The following DIABLO variants were observed in gnomAD, a reference collection of about 807,000 sequenced individuals.
The protein encoded by DIABLO is diablo IAP-binding mitochondrial protein.
In DIABLO, 32 loss-of-function variants were observed where a neutral mutation model predicts 31.7. That is an observed-to-expected ratio of 1.01 (90% CI 0.76 to 1.35). The LOEUF is 1.35. Ranked by LOEUF, DIABLO falls within the 40% of genes most tolerant of loss-of-function variation. The probability of loss-of-function intolerance (pLI) is 0.00; values close to 1 mark genes in which losing one functional copy is unlikely to be tolerated. For missense variants in DIABLO, 316 were observed against 286.4 expected (o/e 1.10, Z -0.75); for synonymous variants, 132 against 103.2 (o/e 1.28, Z -1.69).
At chr12:122,222,313 T>C (rs1954350211) in intron 2 of DIABLO, 1 of 152,164 alleles carries the variant, frequency 6.6e-6, no homozygotes, top group African/African-American at 2.4e-5. Context: ...TAAAAAATCT[T>C]GGAATCTGGC....
intron 5 of DIABLO, among the ~76,000 whole-genome samples, chr12:122,215,056 G>A (rs557069381): frequency 7.2e-5 from 11 of 152,260 alleles, no homozygotes; most frequent in South Asian, 4.1e-4. Flanking sequence ...GGCTGGGTGC[G>A]GTGGCTCGCA....
chr12:122,216,464 A>C (rs369663349), intron 5 of DIABLO, 24 bp downstream of exon 5: 22 of 1,595,034 alleles, frequency 1.4e-5, no homozygotes, highest in African/African-American at 1.3e-4. Flanking sequence ...TAAAAAAAAA[A>C]CCCAACACAA....
chr12:122,209,964 G>A (rs1954043453), intron 5 of DIABLO: 5 of 596,816 alleles, frequency 8.4e-6, no homozygotes, highest in Non-Finnish European at 1.5e-5. Context: ...CTACTACACT[G>A]AAGATGTTTT....
At chr12:122,210,229 T>C (rs1224047629) in intron 5 of DIABLO, among the ~76,000 whole-genome samples, 1 of 152,102 alleles carries the variant, frequency 6.6e-6, no homozygotes, top group Non-Finnish European at 1.5e-5. Flanking sequence ...AGAGGAGGCT[T>C]GTCATTACTT....
chr12:122,210,593 A>C (rs1954063749), intron 5 of DIABLO, among the ~76,000 whole-genome samples: 2 of 149,864 alleles, frequency 1.3e-5, no homozygotes, highest in South Asian at 2.1e-4. Flanking sequence ...GTTAGCCAGG[A>C]TGGTCTTGAT....
chr12:122,225,168 GC>G (rs912443772), intron 1 of DIABLO: 30 of 265,536 alleles, frequency 1.1e-4, no homozygotes, highest in African/African-American at 6.0e-4. Context: ...AGCCGAGAGC[GC>G]CCCACTGCAC....
chr12:122,214,574 C>T (rs1039131409), intron 5 of DIABLO, among the ~76,000 whole-genome samples: 4 of 152,012 alleles, frequency 2.6e-5, no homozygotes, highest in African/African-American at 9.7e-5. Flanking sequence ...TACAGGCGAG[C>T]GCCAATACGC....
At chr12:122,216,432 G>C in intron 5 of DIABLO, 56 bp downstream of exon 5, 2 of 1,435,958 alleles carry the variant, frequency 1.4e-6, no homozygotes, top group South Asian at 2.4e-5. Context: ...AAACTCAAAT[G>C]GTACCTTCCT....
At chr12:122,211,995 ATTTT>A (rs34540420) in intron 5 of DIABLO, among the ~76,000 whole-genome samples, 3 of 139,746 alleles carry the variant, frequency 2.1e-5, no homozygotes, top group African/African-American at 5.3e-5. Context: ...TATTCCTATA[ATTTT>A]TTTTTTTTTT....
At chr12:122,223,423 ACT>A (rs1491342504) in intron 2 of DIABLO, among the ~76,000 whole-genome samples, 7 of 146,728 alleles carry the variant, frequency 4.8e-5, no homozygotes, top group Non-Finnish European at 3.0e-5. Context: ...ACAGAGTGAG[ACT>A]CTGTCTTTAA....
At chr12:122,223,127 G>A (rs1412081849) in intron 2 of DIABLO, among the ~76,000 whole-genome samples, 2 of 151,918 alleles carry the variant, frequency 1.3e-5, no homozygotes, top group Non-Finnish European at 2.9e-5. Flanking sequence ...GATCATAATA[G>A]TTCTGTGTTA....
In DIABLO at chr12:122,223,450, A is replaced by T. The variant is rs529486443; in HGVS notation, c.183+1062T>A. Reference sequence around the variant, plus strand: ...TCTGTCTTTAAAAAAAAAAAAAAAAAATATCTTCTGCGGCTTCTTTTTCAG... The same window carrying T: ...TCTGTCTTTAAAAAAAAAAAAAAAATATATCTTCTGCGGCTTCTTTTTCAG... On this transcript the variant is annotated intron_variant, in intron 2 of 5. Coordinates refer to ENST00000464942, the MANE Select transcript of DIABLO (RefSeq NM_001371333.1). 7.8e-3 allele frequency among the ~76,000 whole-genome samples: 1,183 copies of T among 151,840 alleles called. 9 individuals are homozygous for T. The highest frequency in any genetic ancestry group is 0.026 in the African/African-American group (1,086 of 41,352).
In DIABLO at chr12:122,225,978, T is replaced by C. The variant is rs766719605; in HGVS notation, c.37A>G (p.Thr13Ala). The change falls in exon 1 of 6, where the codon ACT becomes GCT. Residue 13 changes from threonine to alanine, a missense_variant. By Grantham distance (58) the Thr-to-Ala change is moderately conservative (BLOSUM62 0). Coordinates refer to ENST00000464942, the MANE Select transcript of DIABLO (RefSeq NM_001371333.1). ...CCGCAGCGGTACCTGAAGAATGAAG[T>C]TACGCTGCGCGACAGCCAACTCTTC... ...ALKSWLSRSV[T>A]SFFRYRQCLC... 6.2e-6 allele frequency: 10 copies of C among 1,600,512 alleles called. No homozygotes were observed. The highest frequency in any genetic ancestry group is 6.0e-6 in the Non-Finnish European group (7 of 1,174,358).
intron 5 of DIABLO, among the ~76,000 whole-genome samples, chr12:122,212,855 G>T (rs1954118077): frequency 6.6e-6 from 1 of 152,026 alleles, no homozygotes; most frequent in Non-Finnish European, 1.5e-5. Context: ...TTTATCTCCT[G>T]ACCACATGAT....
intron 1 of DIABLO, 118 bp from the exon 2 acceptor site, chr12:122,224,762 C>T (rs1345297473): frequency 5.0e-6 from 8 of 1,601,526 alleles, no homozygotes; most frequent in South Asian, 4.5e-5. Flanking sequence ...AATGAGGATG[C>T]AGGACAGCTG....
chr12:122,218,493 A>G, intron 2 of DIABLO, 96 bp from the exon 3 acceptor site: 1 of 1,540,038 alleles, frequency 6.5e-7, no homozygotes, highest in South Asian at 1.1e-5. Flanking sequence ...CATGCTGCTT[A>G]GTGTTTTAGG....
At chr12:122,211,077 T>TAAAAAAAAAAAAAAAAAAAAAAAAAAAA (rs1156571584) in intron 5 of DIABLO, among the ~76,000 whole-genome samples, 1 of 14,340 alleles carries the variant, frequency 7.0e-5, no homozygotes, top group Non-Finnish European at 1.3e-4. Flanking sequence ...TAGTTAAAAG[T>TAAAAAAAAAAAAAAAAAAAAAAAAAAAA]AAAAAAAAAA....
At chr12:122,209,667 C>G (rs752593307) in intron 5 of DIABLO, 2 of 529,162 alleles carry the variant, frequency 3.8e-6, no homozygotes, top group Non-Finnish European at 7.0e-6. Flanking sequence ...GTCTCCCCCC[C>G]AAAAAAAAAA....
rs1367045560 is a variant in DIABLO at position 122,208,598 on chromosome 12, C to CGGGTT, written c.524-26_524-22dup. 3.1e-6 allele frequency: 5 copies of CGGGTT among 1,609,236 alleles called. No individual in the cohort carries two copies. The Admixed American group carries it at 8.4e-5, about 27-fold the overall frequency. On this transcript the variant is annotated intron_variant, in intron 5 of 5. Coordinates refer to ENST00000464942, the MANE Select transcript of DIABLO (RefSeq NM_001371333.1). ...TGCGCCTGCCAAAAGATGGGACAAT[C>CGGGTT]GGGTTGAGCAGCCGTGCAGGGCGCG...
Sources: gnomAD v4.1 joint callset for allele counts (sites outside exome capture counted in the v4.1 genomes callset) on GRCh38, gnomAD v4.1.1 for gene constraint, MANE v1.5 for transcripts, NCBI Gene and HGNC (gene_info 2026-07-23, HGNC 2026-07-21) for gene names.